The following PTPRT variants were observed in gnomAD, a reference collection of about 807,000 sequenced individuals.
PTPRT encodes receptor-type tyrosine-protein phosphatase T.
Under a neutral mutation model 176.8 loss-of-function variants are expected in PTPRT, and 56 were observed. That is an observed-to-expected ratio of 0.32 (90% CI 0.26 to 0.40). The LOEUF (loss-of-function observed/expected upper bound fraction) is 0.40, where lower values mean the gene tolerates loss of function less well. Among genes scored for constraint, PTPRT ranks in the 10% least tolerant of loss-of-function variants. The probability of loss-of-function intolerance (pLI) is 1.00; values close to 1 mark genes in which losing one functional copy is unlikely to be tolerated. For missense variants in PTPRT, 1,540 were observed against 1,908.2 expected, an observed-to-expected ratio of 0.81 and a Z score of 3.60; for synonymous variants, 783 against 739.0, an observed-to-expected ratio of 1.06 and a Z score of -0.96.
rs538512476 is a variant in PTPRT, at chr20:43,146,301, A to G, written c.88+43345T>C. On this transcript the variant is annotated intron_variant, in intron 1 of 30. Transcript: ENST00000373187. ...TCCCAGCTAAGCCAAATATTTGACG[A>G]AAGACATACAAACTGAAATTTAGCA... 2.2e-4 allele frequency among the ~76,000 whole-genome samples: 34 copies of G among 152,342 alleles called. No homozygotes were observed. The South Asian group carries it at 6.8e-3, about 31-fold the overall frequency.
chr20:42,755,551 A>T (rs2076818647), intron 6 of PTPRT, among the ~76,000 whole-genome samples: 1 of 150,280 alleles, frequency 6.7e-6, no homozygotes, highest in Non-Finnish European at 1.5e-5. Flanking sequence ...CACTGCAGTT[A>T]CCAGTGTAAA....
intron 1 of PTPRT, among the ~76,000 whole-genome samples, chr20:43,043,607 G>A (rs1242879341): frequency 6.6e-6 from 1 of 152,106 alleles, no homozygotes; most frequent in African/African-American, 2.4e-5. Flanking sequence ...ACCCCGCCTT[G>A]AGCCTTTCTG....
chr20:43,116,532 C>T (rs955133954), intron 1 of PTPRT, among the ~76,000 whole-genome samples: 1 of 152,164 alleles, frequency 6.6e-6, no homozygotes, highest in African/African-American at 2.4e-5. Context: ...TCCTTTCCAC[C>T]TGCCTTACTT....
chr20:42,792,570 T>C (rs1221372250), intron 2 of PTPRT, among the ~76,000 whole-genome samples: 1 of 152,022 alleles, frequency 6.6e-6, no homozygotes, highest in African/African-American at 2.4e-5. Context: ...GAACTTAGAG[T>C]CTTATGATTC....
chr20:42,677,418 C>A (rs780098961), intron 7 of PTPRT, among the ~76,000 whole-genome samples: 2 of 152,026 alleles, frequency 1.3e-5, no homozygotes, highest in South Asian at 4.2e-4. Context: ...AGCCAGGAGC[C>A]CTCAGAGAAA....
At chr20:42,771,572 A>G in intron 4 of PTPRT, 22 bp from the exon 5 acceptor site, 2 of 1,596,208 alleles carry the variant, frequency 1.3e-6, no homozygotes, top group Non-Finnish European at 1.7e-6. Flanking sequence ...ACCAAAGAAC[A>G]CAAGAGAATG....
intron 7 of PTPRT, among the ~76,000 whole-genome samples, chr20:42,509,701 T>C (rs910885656): frequency 1.3e-5 from 2 of 151,966 alleles, no homozygotes; most frequent in Admixed American, 6.6e-5. Flanking sequence ...TCTCTACTTA[T>C]ATTGTTGAAG....
chr20:42,274,443 C>T (rs1196926944), intron 13 of PTPRT, among the ~76,000 whole-genome samples: 1 of 152,042 alleles, frequency 6.6e-6, no homozygotes, highest in East Asian at 1.9e-4. Context: ...AGGTAGAGGT[C>T]TCTTGCTTTC....
At position 42,483,224 on chromosome 20, in the gene PTPRT, G is replaced by A. The variant is rs62204943; in HGVS notation, c.1154-10662C>T. ...TCTGTCACCCAGGCTGGAGTTCAGT[G>A]GCGTGATCTTGGCTCACTGCAACTT... On this transcript the variant is annotated intron_variant, in intron 7 of 30. Transcript: ENST00000373187. Among the ~76,000 whole-genome samples the A allele has an allele frequency of 7.8e-3, 1,194 of 152,238 alleles. 11 individuals are homozygous for A. The highest frequency in any genetic ancestry group is 0.014 in the Middle Eastern group (4 of 294).
At chr20:43,108,309 G>A (rs1881727276) in intron 1 of PTPRT, among the ~76,000 whole-genome samples, 1 of 152,162 alleles carries the variant, frequency 6.6e-6, no homozygotes, top group South Asian at 2.1e-4. Context: ...GCTACTTGTG[G>A]ACAATCTGGT....
chr20:42,895,832 G>T (rs1318693743), intron 1 of PTPRT, among the ~76,000 whole-genome samples: 3 of 152,156 alleles, frequency 2.0e-5, no homozygotes, highest in Non-Finnish European at 2.9e-5. Flanking sequence ...AGATTTGGCT[G>T]GTAGGCTATA....
intron 7 of PTPRT, among the ~76,000 whole-genome samples, chr20:42,624,974 G>C (rs2145870173): frequency 6.6e-6 from 1 of 152,264 alleles, no homozygotes; most frequent in East Asian, 1.9e-4. Context: ...TTGGCTTGAG[G>C]CATCCTGGCA....
intron 9 of PTPRT, among the ~76,000 whole-genome samples, chr20:42,421,327 G>A (rs2059117321): frequency 7.2e-6 from 1 of 139,554 alleles, no homozygotes; most frequent in East Asian, 2.5e-4. Flanking sequence ...AGTGCAGCAG[G>A]TTGGGTGGCG....
chr20:42,899,433 C>A (rs1431360884), intron 1 of PTPRT, among the ~76,000 whole-genome samples: 1 of 152,230 alleles, frequency 6.6e-6, no homozygotes, highest in Admixed American at 6.5e-5. Flanking sequence ...CCCCATGGAA[C>A]ACTCTTGCCC....
chr20:42,717,314 C>T (rs1458328225), intron 6 of PTPRT, among the ~76,000 whole-genome samples: 3 of 151,472 alleles, frequency 2.0e-5, no homozygotes, highest in African/African-American at 7.3e-5. Flanking sequence ...AATAGATCTA[C>T]AGAAAAAAAA....
intron 11 of PTPRT, among the ~76,000 whole-genome samples, chr20:42,349,186 C>T (rs1265643231): frequency 6.6e-6 from 1 of 152,200 alleles, no homozygotes; most frequent in East Asian, 1.9e-4. Context: ...AGTGAGGCTG[C>T]ATGCATCTCT....
At chr20:42,580,028 T>C (rs1454020307) in intron 7 of PTPRT, among the ~76,000 whole-genome samples, 2 of 152,250 alleles carry the variant, frequency 1.3e-5, no homozygotes, top group Non-Finnish European at 2.9e-5. Flanking sequence ...AGGGTTTTTA[T>C]GGCTTTAGGT....
At chr20:42,413,379 T>G (rs2059035097) in intron 9 of PTPRT, among the ~76,000 whole-genome samples, 1 of 152,178 alleles carries the variant, frequency 6.6e-6, no homozygotes, top group Admixed American at 6.5e-5. Context: ...AAGTAATTCC[T>G]ATATCCATGA....
intron 12 of PTPRT, among the ~76,000 whole-genome samples, chr20:42,294,469 T>A (rs2057359681): frequency 6.6e-6 from 1 of 152,086 alleles, no homozygotes; most frequent in South Asian, 2.1e-4. Context: ...AGTCAGAACC[T>A]ACACCCATTC....
Sources: allele counts gnomAD v4.1 joint callset (sites outside exome capture counted in the v4.1 genomes callset), GRCh38; gene constraint gnomAD v4.1.1; transcripts MANE v1.5; gene names NCBI Gene and HGNC (gene_info 2026-07-23, HGNC 2026-07-21).